PES1: variants seen among roughly 807,000 people sequenced by gnomAD.
The protein encoded by PES1 is pescadillo ribosomal biogenesis factor 1, also known as pescadillo homolog.
A neutral mutation model predicts 77.1 loss-of-function variants in PES1; 31 were observed. The ratio of observed to expected loss-of-function variants is 0.40; its 90% CI spans 0.30 to 0.54. The LOEUF (loss-of-function observed/expected upper bound fraction) is 0.54. Ranked by LOEUF, PES1 falls within the 20% of genes least tolerant of loss-of-function variation. The pLI, the probability that PES1 is intolerant of heterozygous loss-of-function variation, is 0.45. For missense variants in PES1, 658 were observed against 771.7 expected (o/e 0.85, Z 1.75); for synonymous variants, 282 against 303.0 (o/e 0.93, Z 0.72).
At chr22:30,581,849 A>G (rs1255132215) in intron 6 of PES1, among the ~76,000 whole-genome samples, 1 of 152,156 alleles carries the variant, frequency 6.6e-6, no homozygotes, top group Admixed American at 6.5e-5. Context: ...GTTCCCAGCC[A>G]CAAGTGAGGC....
chr22:30,594,853 G>T (rs2087232557), upstream of PES1, among the ~76,000 whole-genome samples: 1 of 152,100 alleles, frequency 6.6e-6, no homozygotes, highest in Admixed American at 6.5e-5. Flanking sequence ...GTGTGTACCT[G>T]TGGTCCCAGC....
At position 30,577,001 on chromosome 22, in the gene PES1, C is replaced by T. The variant is rs2086909324; in HGVS notation, c.*45G>A. Reference sequence around the variant, plus strand: ...TCCTCTGGCCTGCCTCTGCCACATCCAGCTGCTAGGGGCTGGCCTCAGCCC... The same window carrying T: ...TCCTCTGGCCTGCCTCTGCCACATCTAGCTGCTAGGGGCTGGCCTCAGCCC... On this transcript the variant is annotated 3_prime_UTR_variant, in exon 15 of 15. Transcript: ENST00000354694. The T allele has an allele frequency of 6.6e-7, 1 of 1,520,472 alleles. No individual in the cohort carries two copies. The highest frequency in any genetic ancestry group is 9.1e-7 in the Non-Finnish European group (1 of 1,095,678). The allele number at this position is 1,520,472 out of a possible 1,614,324, so 94.2% of individuals were successfully genotyped here. A position where few individuals can be genotyped will look rare whatever the true frequency, so the allele number is the denominator to read the frequency against.
intron 2 of PES1, among the ~76,000 whole-genome samples, chr22:30,599,333 C>CT (rs1296383489): frequency 5.3e-5 from 8 of 152,068 alleles, no homozygotes; most frequent in Admixed American, 4.6e-4. Context: ...CTGCTAGATA[C>CT]TTTAAGGGTG....
At chr22:30,600,374 CTT>C (rs1224206552) in intron 2 of PES1, among the ~76,000 whole-genome samples, 1 of 152,138 alleles carries the variant, frequency 6.6e-6, no homozygotes, top group East Asian at 1.9e-4. Flanking sequence ...GCAGAACAGT[CTT>C]ATATAACATA....
At chr22:30,588,877 G>A (rs1376012095) in intron 2 of PES1, among the ~76,000 whole-genome samples, 2 of 152,136 alleles carry the variant, frequency 1.3e-5, no homozygotes, top group African/African-American at 2.4e-5. Context: ...GTCTTATTTT[G>A]ACTCTATGAG....
At chr22:30,588,479 A>AT (rs1339212374) in intron 2 of PES1, among the ~76,000 whole-genome samples, 1 of 152,214 alleles carries the variant, frequency 6.6e-6, no homozygotes, top group Non-Finnish European at 1.5e-5. Context: ...GTTTGAAGGA[A>AT]TAAAAGTGGA....
upstream of PES1, among the ~76,000 whole-genome samples, chr22:30,592,663 G>A (rs1225656485): frequency 6.6e-6 from 1 of 152,188 alleles, no homozygotes; most frequent in Admixed American, 6.5e-5. Context: ...TGGCCATGGT[G>A]GCACACGCCT....
chr22:30,592,248 C>G (rs1333136646), upstream of PES1: 7 of 1,009,344 alleles, frequency 6.9e-6, no homozygotes, highest in African/African-American at 3.4e-5. Flanking sequence ...CTCCATGGTG[C>G]GCGATAGGAT....
chr22:30,592,252 A>T (rs943664186), upstream of PES1: 24 of 1,007,240 alleles, frequency 2.4e-5, no homozygotes, highest in Non-Finnish European at 2.6e-5. Flanking sequence ...ATGGTGCGCG[A>T]TAGGATTGCG....
At chr22:30,581,142 T>G in intron 8 of PES1, 41 bp from the exon 9 acceptor site, 1 of 1,524,354 alleles carries the variant, frequency 6.6e-7, no homozygotes, top group African/African-American at 1.4e-5. Flanking sequence ...GGGGACCTCA[T>G]GCGGGCATGT....
chr22:30,591,531 C>T (rs1416247545), intron 1 of PES1, among the ~76,000 whole-genome samples: 1 of 152,216 alleles, frequency 6.6e-6, no homozygotes. Flanking sequence ...ATAGTGGTCC[C>T]ACGGCTCGGC....
intron 2 of PES1, among the ~76,000 whole-genome samples, chr22:30,600,848 C>T (rs951528413): frequency 1.3e-5 from 2 of 152,086 alleles, no homozygotes; most frequent in Admixed American, 6.6e-5. Flanking sequence ...TGGGGATGGG[C>T]TCCATTAAAT....
chr22:30,598,816 C>G (rs2087306492), intron 2 of PES1, among the ~76,000 whole-genome samples: 1 of 142,686 alleles, frequency 7.0e-6, no homozygotes, highest in South Asian at 2.3e-4. Context: ...ACCAAGTTGA[C>G]TTAAAAATAA....
chr22:30,578,530 A>C (rs1295507014), intron 14 of PES1, among the ~76,000 whole-genome samples: 1 of 151,750 alleles, frequency 6.6e-6, no homozygotes, highest in Non-Finnish European at 1.5e-5. Context: ...CCCCCCCGCC[A>C]CCCCCGCCCC....
In PES1 at chr22:30,589,275, G is replaced by C. The variant is rs752776769; in HGVS notation, c.25-5C>G. ...GGTGGCCGAGCCTCGTTCATACTGG[G>C]AGAGGAAAAAAACAATTCTCCATTA... On this transcript the variant is annotated splice_polypyrimidine_tract_variant and splice_region_variant and intron_variant, in intron 1 of 14. Coordinates refer to ENST00000354694, the MANE Select transcript of PES1 (RefSeq NM_014303.4). 32 of 1,611,274 alleles carry C rather than the reference G, an allele frequency of 2.0e-5. No individual in the cohort carries two copies. The Admixed American group carries it at 4.5e-4, about 23-fold the overall frequency.
At chr22:30,594,842 A>G (rs1037875822), upstream of PES1, among the ~76,000 whole-genome samples, 7 of 152,044 alleles carry the variant, frequency 4.6e-5, no homozygotes, top group East Asian at 1.9e-4. Context: ...CTGGTGTGGT[A>G]GTGTGTACCT....
At chr22:30,595,241 T>C (rs2087237264), upstream of PES1, among the ~76,000 whole-genome samples, 2 of 151,976 alleles carry the variant, frequency 1.3e-5, no homozygotes, top group Admixed American at 1.3e-4. Flanking sequence ...TGCTTGAGGT[T>C]AAAGAACTCG....
chr22:30,598,213 A>T (rs1261038560), intron 2 of PES1: 1 of 152,138 alleles, frequency 6.6e-6, no homozygotes, highest in African/African-American at 2.4e-5. Context: ...GGGAAGGTCT[A>T]TGGCTTCACT....
Position 30,588,131 on chromosome 22 carries a change from G to T in PES1, c.148C>A (p.His50Asn), listed in dbSNP as rs1569026522. The T allele has an allele frequency of 1.2e-6, 2 of 1,614,176 alleles. No individual in the cohort carries two copies. Among genetic ancestry groups the T allele is most frequent in the East Asian group, 4.5e-5 (2 of 44,884 alleles). The change falls in exon 3 of 15, where the codon CAC becomes AAC. Residue 50 changes from histidine (H) to asparagine (N), a missense_variant. His to Asn is a moderately conservative substitution (Grantham distance 68). Transcript: ENST00000354694. ...LKGIYPHEPKHKKKVNKGSTA... is the reference protein window; with the variant it reads ...LKGIYPHEPKNKKKVNKGSTA... Reference sequence around the variant, plus strand: ...GAACCCTTGTTAACCTTCTTCTTGTGTTTGGGTTCATGGGGATAAATGCCC... The same window carrying T: ...GAACCCTTGTTAACCTTCTTCTTGTTTTTGGGTTCATGGGGATAAATGCCC...
Sources: allele counts gnomAD v4.1 joint callset (sites outside exome capture counted in the v4.1 genomes callset), GRCh38; gene constraint gnomAD v4.1.1; transcripts MANE v1.5; gene names NCBI Gene and HGNC (gene_info 2026-07-23, HGNC 2026-07-21).